PPP1R13L: variants seen among roughly 807,000 people sequenced by gnomAD.
The protein encoded by PPP1R13L is relA-associated inhibitor.
In PPP1R13L, 50 loss-of-function variants were observed where a neutral mutation model predicts 80.9. The observed-to-expected ratio is 0.62, with a 90% CI of 0.49 to 0.78. The LOEUF is 0.78. Among genes scored for constraint, PPP1R13L ranks in the 30% least tolerant of loss-of-function variants. The pLI is 0.00. For synonymous variants in PPP1R13L, 602 were observed against 534.3 expected (o/e 1.13, Z -1.75); for missense variants, 1,200 against 1,205.9 (o/e 1.00, Z 0.07).
chr19:45,395,262 G>T, intron 7 of PPP1R13L, 174 bp downstream of exon 7: 1 of 837,172 alleles, frequency 1.2e-6, no homozygotes, highest in South Asian at 1.5e-5. Flanking sequence ...TAACCTTTGA[G>T]CTATCCCTGG....
chr19:45,385,539 G>A (rs113598199), intron 11 of PPP1R13L, 23 bp downstream of exon 11: 18 of 1,594,164 alleles, frequency 1.1e-5, no homozygotes, highest in African/African-American at 9.4e-5. Flanking sequence ...AGGTACCCAG[G>A]CGCCAGCAGC....
At chr19:45,391,075 A>C (rs923902720) in intron 8 of PPP1R13L, among the ~76,000 whole-genome samples, 1 of 151,966 alleles carries the variant, frequency 6.6e-6, no homozygotes, top group Non-Finnish European at 1.5e-5. Flanking sequence ...GCATACACTT[A>C]TAATCCCAGC....
chr19:45,403,303 T>A (rs1339787683), intron 1 of PPP1R13L, among the ~76,000 whole-genome samples: 1 of 151,684 alleles, frequency 6.6e-6, no homozygotes, highest in Non-Finnish European at 1.5e-5. Flanking sequence ...TCAATGTAAT[T>A]TTTTTTTCCC....
At position 45,397,023 on chromosome 19, in the gene PPP1R13L, G is replaced by A; in HGVS notation, c.234C>T (p.Pro78=). ...PRYSSSSIPE[P]FGSRGSPRKA... ...TCCGGGGGGACCCTCGGCTGCCGAA[G>A]GGCTCAGGGATCGAGCTGGAGCTGT... The change falls in exon 4 of 13, where the codon CCC becomes CCT. Residue 78 remains proline, a synonymous_variant. Coordinates refer to ENST00000360957, the MANE Select transcript of PPP1R13L (RefSeq NM_006663.4). 1 of 1,368,966 alleles carries A rather than the reference G, an allele frequency of 7.3e-7. No homozygotes were observed. The highest frequency in any genetic ancestry group is 1.9e-5 in the South Asian group (1 of 53,986). The allele number at this position is 1,368,966 out of a possible 1,614,324, so 84.8% of individuals were successfully genotyped here.
rs35239998 is a variant in PPP1R13L at position 45,392,431 on chromosome 19, T to C, written c.1355-91A>G. ...ACTTCCAGGGCATACAACCAGCACA[T>C]GATTTTCTGTGTGACCTCAGGGAAG... On this transcript the variant is annotated intron_variant, in intron 7 of 12. Transcript: ENST00000360957. The C allele has an allele frequency of 1.4e-3, 1,847 of 1,321,722 alleles. 19 individuals carry two copies. In the African/African-American group the frequency reaches 0.022, roughly 16 times the overall value. The allele number at this position is 1,321,722 out of a possible 1,614,324, so 81.9% of individuals were successfully genotyped here. A position where few individuals can be genotyped will look rare whatever the true frequency, so the allele number is the denominator to read the frequency against.
In PPP1R13L at chr19:45,391,919, G is replaced by T; in HGVS notation, c.1776C>A (p.Ala592=). ...PAPPAPIPPP[A]PSQSSPPEQP... ...GCTCTGGTGGGCTGCTCTGGGACGG[G>T]GCCGGGGGTGGAATGGGAGCTGGTG... Residue 592 remains alanine (A), a synonymous_variant, in exon 8 of 13, where the codon GCC becomes GCA. Coordinates refer to ENST00000360957, the MANE Select transcript of PPP1R13L (RefSeq NM_006663.4). The T allele has an allele frequency of 6.7e-7, 1 of 1,500,946 alleles. No individual in the cohort carries two copies. The highest frequency in any genetic ancestry group is 8.9e-7 in the Non-Finnish European group (1 of 1,128,330). The allele number at this position is 1,500,946 out of a possible 1,614,324, so 93.0% of individuals were successfully genotyped here. A position where few individuals can be genotyped will look rare whatever the true frequency, so the allele number is the denominator to read the frequency against.
At position 45,395,804 on chromosome 19, in the gene PPP1R13L, T is replaced by C. The variant is rs1282558978; in HGVS notation, c.986A>G (p.Tyr329Cys). ...CCCCGCGGAGCCCAGCGAGCGCCGG[T>C]AGCTGCCCGCGTCTGAACGCCGGTC... ...ASDRRSDAGS[Y>C]RRSLGSAGPS... is the part of the protein sequence containing the mutation. The change falls in exon 7 of 13, where the codon TAC (tyrosine) becomes TGC (cysteine). Residue 329 changes from tyrosine (Y) to cysteine (C), a missense_variant. Around this residue, in one of 5 missense-constraint regions of PPP1R13L, gnomAD observed 764 missense variants for 714.5 expected, o/e 1.07. Coordinates refer to ENST00000360957, the MANE Select transcript of PPP1R13L (RefSeq NM_006663.4). 1.9e-6 allele frequency: 3 copies of C among 1,584,728 alleles called. No homozygotes were observed. The highest frequency in any genetic ancestry group is 2.6e-6 in the Non-Finnish European group (3 of 1,168,282).
upstream of PPP1R13L, among the ~76,000 whole-genome samples, chr19:45,405,488 C>T (rs1174461288): frequency 6.6e-6 from 1 of 152,242 alleles, no homozygotes; most frequent in Non-Finnish European, 1.5e-5. Context: ...TTAGTTTGGA[C>T]TACAACCCCC....
At position 45,396,106 on chromosome 19, in the gene PPP1R13L, C is replaced by T. The variant is rs918624776; in HGVS notation, c.903+62G>A. 6.6e-7 allele frequency: 1 copy of T among 1,520,918 alleles called. No homozygotes were observed. The highest frequency in any genetic ancestry group is 1.2e-5 in the South Asian group (1 of 83,114). The allele number at this position is 1,520,918 out of a possible 1,614,324, so 94.2% of individuals were successfully genotyped here. A position where few individuals can be genotyped will look rare whatever the true frequency, so the allele number is the denominator to read the frequency against. On this transcript the variant is annotated intron_variant, in intron 6 of 12. Coordinates refer to ENST00000360957, the MANE Select transcript of PPP1R13L (RefSeq NM_006663.4). The surrounding 1 kb of genome is among the most constrained non-coding windows in gnomAD (Gnocchi z 5.3). Reference sequence around the variant, plus strand: ...CCGAGGGGGAGACTGGCCTTGACCCCGCTCCCCCACCCCACTCCTCGACCT... The same window carrying T: ...CCGAGGGGGAGACTGGCCTTGACCCTGCTCCCCCACCCCACTCCTCGACCT...
chr19:45,396,981 G>A lies in PPP1R13L; in HGVS notation c.276C>T (p.Gly92=). Residue 92 remains glycine, a synonymous_variant, in exon 4 of 13, where the codon GGC becomes GGT. Coordinates refer to ENST00000360957, the MANE Select transcript of PPP1R13L (RefSeq NM_006663.4). This position sits in a 1 kb window ranked among gnomAD's most constrained non-coding sequence, Gnocchi z 5.3. ...RGSPRKAATD[G]ADTPFGRSES... Reference sequence around the variant, plus strand: ...CTGATCGTCCGAACGGGGTGTCTGCGCCGTCGGTGGCCGCCTTCCGGGGGG... The same window carrying A: ...CTGATCGTCCGAACGGGGTGTCTGCACCGTCGGTGGCCGCCTTCCGGGGGG... 2.2e-6 allele frequency: 3 copies of A among 1,383,468 alleles called. No individual in the cohort carries two copies. The highest frequency in any genetic ancestry group is 9.4e-7 in the Non-Finnish European group (1 of 1,068,978). The allele number at this position is 1,383,468 out of a possible 1,614,324, so 85.7% of individuals were successfully genotyped here.
Position 45,398,282 on chromosome 19 carries a change from G to T in PPP1R13L, c.37C>A (p.Leu13Met), listed in dbSNP as rs1973156047. Residue 13 changes from leucine (L) to methionine (M), a missense_variant, in exon 2 of 13, where the codon CTG becomes ATG. Transcript: ENST00000360957. ...AGCTTACACTGGAAGTTCATGTCCAGAAAGTCCCGCGCGCTCTGGAATGCC... is the reference window on the plus strand; with the variant it reads ...AGCTTACACTGGAAGTTCATGTCCATAAAGTCCCGCGCGCTCTGGAATGCC... ...SEAFQSARDFLDMNFQSLAMK... is the reference protein window; with the variant it reads ...SEAFQSARDFMDMNFQSLAMK... 7 of 1,613,808 alleles carry T rather than the reference G, an allele frequency of 4.3e-6. No individual in the cohort carries two copies. Among genetic ancestry groups the T allele is most frequent in the Admixed American group, 1.7e-5 (1 of 59,992 alleles).
In PPP1R13L at chr19:45,396,066, A is replaced by G; in HGVS notation, c.903+102T>C. ...GGAGAGCGTGGGAACGGGCGCCGAG[A>G]CCCAGATCGCAGCCCCGAGGGGGAG... On this transcript the variant is annotated intron_variant, in intron 6 of 12. Transcript: ENST00000360957. This position sits in a 1 kb window ranked among gnomAD's most constrained non-coding sequence, Gnocchi z 5.3. The G allele has an allele frequency of 7.2e-7, 1 of 1,384,876 alleles. No individual in the cohort carries two copies. The highest frequency in any genetic ancestry group is 9.8e-7 in the Non-Finnish European group (1 of 1,019,676). 85.8% of individuals were successfully genotyped at this position (1,384,876 alleles called of 1,614,324 possible).
chr19:45,395,763 G>A lies in PPP1R13L; in HGVS notation c.1027C>T (p.Pro343Ser). 1 of 1,546,930 alleles carries A rather than the reference G, an allele frequency of 6.5e-7. No homozygotes were observed. Among genetic ancestry groups the A allele is most frequent in the Non-Finnish European group, 8.7e-7 (1 of 1,151,682 alleles). Reference protein sequence around the residue: ...LGSAGPSGTLPRSWQPVSRIP... With the variant: ...LGSAGPSGTLSRSWQPVSRIP... Reference sequence around the variant, plus strand: ...CGGCTGACGGGCTGCCAGCTGCGAGGCAAAGTGCCCGACGGCCCCGCGGAG... The same window carrying A: ...CGGCTGACGGGCTGCCAGCTGCGAGACAAAGTGCCCGACGGCCCCGCGGAG... Residue 343 changes from proline to serine, a missense_variant, in exon 7 of 13, where the codon CCT (proline) becomes TCT (serine). Coordinates refer to ENST00000360957, the MANE Select transcript of PPP1R13L (RefSeq NM_006663.4).
Position 45,397,007 on chromosome 19 carries a change from A to T in PPP1R13L, c.250T>A (p.Ser84Thr), listed in dbSNP as rs757167175. The part of the protein sequence containing the change: ...SIPEPFGSRG[S>T]PRKAATDGAD... ...CCGTCGGTGGCCGCCTTCCGGGGGG[A>T]CCCTCGGCTGCCGAAGGGCTCAGGG... Residue 84 changes from serine to threonine, a missense_variant, in exon 4 of 13, where the codon TCC (serine) becomes ACC (threonine). Ser to Thr is a moderately conservative substitution (Grantham distance 58). Transcript: ENST00000360957. 7.3e-7 allele frequency: 1 copy of T among 1,367,840 alleles called. No individual in the cohort carries two copies. Among genetic ancestry groups the T allele is most frequent in the Non-Finnish European group, 9.4e-7 (1 of 1,062,306 alleles). The allele number at this position is 1,367,840 out of a possible 1,614,324, so 84.7% of individuals were successfully genotyped here.
At chr19:45,400,128 C>T (rs1478456039) in intron 1 of PPP1R13L, among the ~76,000 whole-genome samples, 1 of 151,980 alleles carries the variant, frequency 6.6e-6, no homozygotes, top group Non-Finnish European at 1.5e-5. Context: ...CCGCATCTAA[C>T]TTATTCTGGG....
chr19:45,382,831 G>T, intron 11 of PPP1R13L, 105 bp from the exon 12 acceptor site: 2 of 1,010,086 alleles, frequency 2.0e-6, no homozygotes, highest in Non-Finnish European at 3.0e-6. Context: ...GCCTGTCCCA[G>T]CAACCACCTG....
chr19:45,387,023 C>T (rs1292348657), intron 8 of PPP1R13L, among the ~76,000 whole-genome samples: 5 of 151,692 alleles, frequency 3.3e-5, no homozygotes, highest in Non-Finnish European at 2.9e-5. Context: ...AATCCTAGCA[C>T]TTTGGGAGGC....
At chr19:45,399,065 T>G (rs541964451) in intron 1 of PPP1R13L, among the ~76,000 whole-genome samples, 2 of 151,902 alleles carry the variant, frequency 1.3e-5, no homozygotes, top group East Asian at 4.0e-4. Context: ...TGTCTCAGCC[T>G]CCCGAGTAGC....
intron 1 of PPP1R13L, among the ~76,000 whole-genome samples, chr19:45,399,768 T>C (rs530915409): frequency 6.6e-6 from 1 of 151,638 alleles, no homozygotes; most frequent in Non-Finnish European, 1.5e-5. Context: ...GCCAATATGG[T>C]GAAACCCCGT....
Sources: gnomAD v4.1 joint callset for allele counts (sites outside exome capture counted in the v4.1 genomes callset) on GRCh38, gnomAD v4.1.1 for gene constraint, gnomAD v4.1.1 regional missense constraint, Gnocchi (gnomAD v3.1) non-coding constraint, MANE v1.5 for transcripts, NCBI Gene and HGNC (gene_info 2026-07-23, HGNC 2026-07-21) for gene names.